Variants in SCIN observed in about 807,000 individuals in gnomAD.
SCIN encodes the protein adseverin.
SCIN carries 91 observed loss-of-function variants against 91.8 expected under a neutral mutation model. The observed-to-expected ratio is 0.99, with a 90% CI of 0.84 to 1.18. The LOEUF (loss-of-function observed/expected upper bound fraction) is 1.18, where lower values mean the gene tolerates loss of function less well. SCIN is among the 50% of genes most tolerant of loss of function. SCIN has a pLI of 0.00. For missense variants in SCIN, 1,087 were observed against 863.9 expected (o/e 1.26, Z -3.24); for synonymous variants, 367 against 312.6 (o/e 1.17, Z -1.84).
chr7:12,625,715 T>C, intron 6 of SCIN, 47 bp from the exon 7 acceptor site: 1 of 1,219,918 alleles, frequency 8.2e-7, no homozygotes, highest in Non-Finnish European at 1.2e-6. Flanking sequence ...TCATAGAATG[T>C]CTTCCTTCTC....
chr7:12,636,189 A>G (rs1011394002), intron 10 of SCIN, 54 bp downstream of exon 10: 8 of 1,247,044 alleles, frequency 6.4e-6, no homozygotes, highest in Admixed American at 3.8e-5. Flanking sequence ...TGCTAGCTCA[A>G]TGGATAGCTA....
chr7:12,605,811 T>C (rs1783070758), intron 4 of SCIN, among the ~76,000 whole-genome samples: 1 of 152,186 alleles, frequency 6.6e-6, no homozygotes, highest in African/African-American at 2.4e-5. Flanking sequence ...AATATTTCAA[T>C]CATTTTAAGC....
chr7:12,636,826 T>C lies in SCIN; in HGVS notation c.1410+691T>C, dbSNP rs545984910. Among the ~76,000 whole-genome samples, 7 of 152,218 alleles carry C rather than the reference T, an allele frequency of 4.6e-5. No individual in the cohort carries two copies. The South Asian group carries it at 1.5e-3, about 32-fold the overall frequency. Reference sequence around the variant, plus strand: ...ACAAAGAAATGATAAATATTTGAGATGATGTTATGCTAGTTACCCTAATTT... The same window carrying C: ...ACAAAGAAATGATAAATATTTGAGACGATGTTATGCTAGTTACCCTAATTT... On this transcript the variant is annotated intron_variant, in intron 10 of 15. Transcript: ENST00000297029.
chr7:12,630,743 A>G (rs1011906470), intron 9 of SCIN, among the ~76,000 whole-genome samples: 8 of 152,244 alleles, frequency 5.3e-5, no homozygotes, highest in African/African-American at 1.7e-4. Context: ...GAGATTAGAC[A>G]GATTAAGTAA....
chr7:12,603,420 G>A (rs1192719552), intron 3 of SCIN, among the ~76,000 whole-genome samples: 1 of 152,018 alleles, frequency 6.6e-6, no homozygotes, highest in African/African-American at 2.4e-5. Flanking sequence ...TGGAATTACA[G>A]GCATGAGCCA....
intron 11 of SCIN, among the ~76,000 whole-genome samples, chr7:12,643,733 C>T (rs1490648596): frequency 6.6e-6 from 1 of 152,218 alleles, no homozygotes; most frequent in Non-Finnish European, 1.5e-5. Context: ...GCATTTTCCT[C>T]ACTTGGCCTC....
In SCIN at chr7:12,581,219, A is replaced by G. The variant is rs1046631185; in HGVS notation, c.514A>G (p.Thr172Ala). The G allele has an allele frequency of 1.1e-4, 170 of 1,551,092 alleles. No individual in the cohort carries two copies. Among genetic ancestry groups the G allele is most frequent in the Middle Eastern group, 1.7e-4 (1 of 5,998 alleles). The change falls in exon 3 of 16, where the codon ACC becomes GCC. Residue 172 changes from threonine (T) to alanine (A), a missense_variant and splice_region_variant. Transcript: ENST00000297029. ...KGDCFIIDLG[T>A]EIYQWCGSSC... ...TGACTGCTTCATCATTGACCTTGGCACCGTAAGTTTCATATATACACATCG... is the reference window on the plus strand; with the variant it reads ...TGACTGCTTCATCATTGACCTTGGCGCCGTAAGTTTCATATATACACATCG...
chr7:12,605,017 C>T (rs915143969), intron 4 of SCIN, among the ~76,000 whole-genome samples: 5 of 152,036 alleles, frequency 3.3e-5, no homozygotes, highest in Non-Finnish European at 7.4e-5. Context: ...TTCATCTATT[C>T]ATCTGGGCTT....
At chr7:12,595,028 G>A (rs1782810706) in intron 3 of SCIN, among the ~76,000 whole-genome samples, 1 of 152,014 alleles carries the variant, frequency 6.6e-6, no homozygotes, top group African/African-American at 2.4e-5. Context: ...GCTGGGTAAG[G>A]GATGATAGGA....
At position 12,625,796 on chromosome 7, in the gene SCIN, A is replaced by G; in HGVS notation, c.927A>G (p.Ala309=). 1.2e-6 allele frequency: 2 copies of G among 1,612,876 alleles called. No homozygotes were observed. The highest frequency in any genetic ancestry group is 1.7e-6 in the Non-Finnish European group (2 of 1,179,186). ...KDANPQERKA[A]MKTAEEFLQQ... ...CTAATCCCCAAGAGAGGAAGGCTGCAATGAAGACAGCTGAAGAATTTCTAC... is the reference window on the plus strand; with the variant it reads ...CTAATCCCCAAGAGAGGAAGGCTGCGATGAAGACAGCTGAAGAATTTCTAC... Residue 309 remains alanine (A), a synonymous_variant, in exon 7 of 16, where the codon GCA becomes GCG. Transcript: ENST00000297029.
At chr7:12,628,661 C>G (rs1783579787) in intron 8 of SCIN, among the ~76,000 whole-genome samples, 2 of 152,020 alleles carry the variant, frequency 1.3e-5, no homozygotes, top group Non-Finnish European at 2.9e-5. Flanking sequence ...TGGTCACAGT[C>G]TATCAAGTTT....
intron 1 of SCIN, among the ~76,000 whole-genome samples, chr7:12,574,801 A>C (rs1484279732): frequency 6.6e-6 from 1 of 152,032 alleles, no homozygotes; most frequent in Non-Finnish European, 1.5e-5. Flanking sequence ...TTGTTTGTCA[A>C]GATTATTTTA....
chr7:12,617,272 A>G (rs1469933816), intron 4 of SCIN, among the ~76,000 whole-genome samples: 2 of 152,116 alleles, frequency 1.3e-5, no homozygotes, highest in Non-Finnish European at 2.9e-5. Context: ...TAATAATCAC[A>G]TGATAATTGA....
chr7:12,585,338 C>G (rs886151099), intron 3 of SCIN, among the ~76,000 whole-genome samples: 8 of 152,144 alleles, frequency 5.3e-5, no homozygotes, highest in African/African-American at 1.9e-4. Context: ...TTCTCCCTCT[C>G]AGGCCACTGT....
At chr7:12,609,685 G>T (rs944925086) in intron 4 of SCIN, among the ~76,000 whole-genome samples, 6 of 152,158 alleles carry the variant, frequency 3.9e-5, no homozygotes, top group Non-Finnish European at 7.4e-5. Context: ...TTTAAATATA[G>T]TTTAATGAAT....
intron 9 of SCIN, among the ~76,000 whole-genome samples, chr7:12,633,068 C>T (rs565657816): frequency 1.3e-5 from 2 of 152,088 alleles, no homozygotes; most frequent in Middle Eastern, 3.4e-3. Context: ...TAAGCAGTTC[C>T]GTTGAAGACT....
In SCIN at chr7:12,578,072, T is replaced by G. The variant is rs780419992; in HGVS notation, c.208T>G (p.Cys70Gly). ...YHLHFWLGKE[C>G]SQDESTAAAI... The stretch of plus-strand genomic sequence containing the variant: ...GTTGTTCACTGTTTTAGGAAAGGAG[T>G]GTTCCCAGGATGAAAGCACAGCTGC... The change falls in exon 2 of 16, where the codon TGT (cysteine) becomes GGT (glycine). Residue 70 changes from cysteine to glycine, a missense_variant. Cys to Gly is a radical substitution (Grantham distance 159, BLOSUM62 -3). Transcript: ENST00000297029. The G allele has an allele frequency of 5.2e-6, 8 of 1,543,066 alleles. No individual in the cohort carries two copies. Among genetic ancestry groups the G allele is most frequent in the Non-Finnish European group, 7.0e-6 (8 of 1,143,396 alleles).
intron 4 of SCIN, among the ~76,000 whole-genome samples, chr7:12,615,211 C>T (rs968180959): frequency 6.6e-6 from 1 of 152,100 alleles, no homozygotes; most frequent in Non-Finnish European, 1.5e-5. Flanking sequence ...GTTTTAATAG[C>T]ACAGTGTTTG....
intron 1 of SCIN, among the ~76,000 whole-genome samples, chr7:12,574,249 G>T (rs28588224): frequency 0.082 from 12,535 of 152,106 alleles, 709 homozygotes; most frequent in South Asian, 0.16. Context: ...CAACAACTTG[G>T]ATGAAGCTCC....
Sources: allele counts gnomAD v4.1 joint callset (sites outside exome capture counted in the v4.1 genomes callset), GRCh38; gene constraint gnomAD v4.1.1; transcripts MANE v1.5; gene names NCBI Gene and HGNC (gene_info 2026-07-23, HGNC 2026-07-21).